The following FAM107B variants were observed in gnomAD, a reference collection of about 807,000 sequenced individuals.
The protein encoded by FAM107B is family with sequence similarity 107 member B, also known as protein FAM107B.
In FAM107B, 21 loss-of-function variants were observed where a neutral mutation model predicts 31.5. That is an observed-to-expected ratio of 0.67 (90% CI 0.47 to 0.96). The LOEUF (loss-of-function observed/expected upper bound fraction) is 0.96. Ranked by LOEUF, FAM107B falls within the 40% of genes least tolerant of loss-of-function variation. The pLI is 0.00. For missense variants in FAM107B, 452 were observed against 377.1 expected, an observed-to-expected ratio of 1.20 and a Z score of -1.64; for synonymous variants, 157 against 141.5, an observed-to-expected ratio of 1.11 and a Z score of -0.78.
At chr10:14,747,704 G>A (rs1457685796) in intron 1 of FAM107B, among the ~76,000 whole-genome samples, 2 of 152,136 alleles carry the variant, frequency 1.3e-5, no homozygotes, top group African/African-American at 4.8e-5. Context: ...GAGGCACCAA[G>A]CTAATGCCAG....
At chr10:14,529,641 T>C (rs1588483356) in intron 3 of FAM107B, 1 of 152,164 alleles carries the variant, frequency 6.6e-6, no homozygotes, top group South Asian at 2.1e-4. Context: ...TCCTAGTTCT[T>C]AAATTGAAAA....
chr10:14,714,673 A>T (rs1855741716), intron 1 of FAM107B, among the ~76,000 whole-genome samples: 1 of 152,292 alleles, frequency 6.6e-6, no homozygotes, highest in South Asian at 2.1e-4. Flanking sequence ...GAGCTGAGGG[A>T]GGGAGAGGAA....
intron 1 of FAM107B, among the ~76,000 whole-genome samples, chr10:14,732,926 TATA>T (rs902128758): frequency 1.8e-4 from 27 of 146,288 alleles, no homozygotes; most frequent in African/African-American, 5.2e-4. Context: ...ATTAATATTA[TATA>T]ATATTATAAT....
At chr10:14,599,230 C>A (rs1041201989) in intron 2 of FAM107B, among the ~76,000 whole-genome samples, 4 of 139,082 alleles carry the variant, frequency 2.9e-5, no homozygotes, top group Non-Finnish European at 6.7e-5. Context: ...GGCTCAGTGT[C>A]CCCCCCCACT....
chr10:14,589,202 A>T lies in FAM107B; in HGVS notation c.470-58687T>A, dbSNP rs536933881. ...AAAAAAAAAAGAAAAGAAAAAAAAGAGTAAGTGGTGACTTTTTAAAAGAAT... is the reference window on the plus strand; with the variant it reads ...AAAAAAAAAAGAAAAGAAAAAAAAGTGTAAGTGGTGACTTTTTAAAAGAAT... On this transcript the variant is annotated intron_variant, in intron 2 of 4. Coordinates refer to ENST00000181796, the MANE Select transcript of FAM107B (RefSeq NM_031453.4). Among the ~76,000 whole-genome samples the T allele has an allele frequency of 2.7e-3, 416 of 151,818 alleles. 2 individuals are homozygous for T. The highest frequency in any genetic ancestry group is 5.0e-3 in the Non-Finnish European group (341 of 67,918).
In FAM107B at chr10:14,537,464, G is replaced by A. The variant is rs1354735160; in HGVS notation, c.470-6949C>T. Among the ~76,000 whole-genome samples, 3 of 152,184 alleles carry A rather than the reference G, an allele frequency of 2.0e-5. No individual in the cohort carries two copies. In the East Asian group the frequency reaches 5.8e-4, roughly 29 times the overall value. On this transcript the variant is annotated intron_variant, in intron 2 of 4. Coordinates refer to ENST00000181796, the MANE Select transcript of FAM107B (RefSeq NM_031453.4). ...CCTCACTTGCTCTAAGTGTGATCTT[G>A]GGTAAGGGCCTTCGCCAGTTTAACA...
intron 1 of FAM107B, among the ~76,000 whole-genome samples, chr10:14,718,522 C>CGAAGGAAGGACAGAGAGAGAGAGAGGAAG (rs1855835325): frequency 1.4e-5 from 2 of 142,836 alleles, no homozygotes; most frequent in Non-Finnish European, 3.1e-5. Context: ...GGGAGGGAAA[C>CGAAGGAAGGACAGAGAGAGAGAGAGGAAG]GAAGGAAGGA....
intron 2 of FAM107B, among the ~76,000 whole-genome samples, chr10:14,602,084 T>C (rs1852418006): frequency 6.6e-6 from 1 of 152,108 alleles, no homozygotes; most frequent in Non-Finnish European, 1.5e-5. Flanking sequence ...TATTGGAGCT[T>C]CGTTTGACTT....
At chr10:14,663,799 A>G (rs188752697) in intron 2 of FAM107B, among the ~76,000 whole-genome samples, 148 of 146,164 alleles carry the variant, frequency 1.0e-3, no homozygotes, top group African/African-American at 3.6e-3. Flanking sequence ...CTCGTCTGTC[A>G]TTATCACGTG....
At chr10:14,661,765 C>T (rs1011384099) in intron 2 of FAM107B, 1 of 152,220 alleles carries the variant, frequency 6.6e-6, no homozygotes, top group Non-Finnish European at 1.5e-5. Context: ...TTGGCAGCTG[C>T]TGAGAAATGA....
At chr10:14,697,442 C>T (rs570726800) in intron 1 of FAM107B, among the ~76,000 whole-genome samples, 136 of 152,312 alleles carry the variant, frequency 8.9e-4, no homozygotes, top group Middle Eastern at 3.4e-3. Context: ...GAAAGTTTGC[C>T]GTGCTAGCCC....
intron 2 of FAM107B, among the ~76,000 whole-genome samples, chr10:14,647,527 C>T (rs1853787352): frequency 6.6e-6 from 1 of 151,638 alleles, no homozygotes; most frequent in South Asian, 2.1e-4. Context: ...AAAAAAAGTA[C>T]AAAAAAATTA....
chr10:14,769,248 C>T (rs1454437369), intron 1 of FAM107B, among the ~76,000 whole-genome samples: 1 of 152,224 alleles, frequency 6.6e-6, no homozygotes, highest in Non-Finnish European at 1.5e-5. Context: ...AATCTTCAGG[C>T]CACTGCTGGG....
intron 1 of FAM107B, among the ~76,000 whole-genome samples, chr10:14,765,971 G>T (rs1225745226): frequency 6.6e-6 from 1 of 152,180 alleles, no homozygotes; most frequent in African/African-American, 2.4e-5. Flanking sequence ...GATGGGTGAT[G>T]GGTGATTACA....
chr10:14,650,578 G>A (rs868713379), intron 2 of FAM107B, among the ~76,000 whole-genome samples: 2 of 152,150 alleles, frequency 1.3e-5, no homozygotes, highest in African/African-American at 4.8e-5. Flanking sequence ...GAGCCACCGC[G>A]CCCGGCCTCT....
intron 2 of FAM107B, among the ~76,000 whole-genome samples, chr10:14,586,163 G>C (rs762634271): frequency 6.6e-6 from 1 of 152,120 alleles, no homozygotes; most frequent in Non-Finnish European, 1.5e-5. Context: ...TCATGTGCTA[G>C]TTCAATTCCT....
At chr10:14,628,359 C>G (rs1339607825) in intron 2 of FAM107B, among the ~76,000 whole-genome samples, 1 of 152,066 alleles carries the variant, frequency 6.6e-6, no homozygotes. Context: ...CTCAGGTGAT[C>G]CACCTGCCTT....
At chr10:14,669,729 T>C (rs1255853879) in intron 1 of FAM107B, among the ~76,000 whole-genome samples, 3 of 152,212 alleles carry the variant, frequency 2.0e-5, no homozygotes, top group Non-Finnish European at 4.4e-5. Context: ...CTAAAAACAT[T>C]GGTCTCATGG....
chr10:14,644,154 G>A (rs1853697821), intron 2 of FAM107B, among the ~76,000 whole-genome samples: 1 of 152,106 alleles, frequency 6.6e-6, no homozygotes, highest in African/African-American at 2.4e-5. Context: ...AGAATCGTGG[G>A]GGAAGAGACC....
Sources: allele counts gnomAD v4.1 joint callset (sites outside exome capture counted in the v4.1 genomes callset), GRCh38; gene constraint gnomAD v4.1.1; transcripts MANE v1.5; gene names NCBI Gene and HGNC (gene_info 2026-07-23, HGNC 2026-07-21).